Variants in SORCS3 observed in about 807,000 individuals in gnomAD.
The protein encoded by SORCS3 is VPS10 domain-containing receptor SorCS3.
A neutral mutation model predicts 146.3 loss-of-function variants in SORCS3; 57 were observed. The observed-to-expected ratio is 0.39, with a 90% CI of 0.31 to 0.49. The LOEUF (loss-of-function observed/expected upper bound fraction) is 0.49, where lower values mean the gene tolerates loss of function less well. SORCS3 is among the 20% of genes least tolerant of loss of function. The pLI is 0.92. For missense variants in SORCS3, 1,341 were observed against 1,575.5 expected (o/e 0.85, Z 2.52); for synonymous variants, 653 against 618.5 (o/e 1.06, Z -0.83).
At chr10:104,936,408 T>C (rs2019260509) in intron 3 of SORCS3, among the ~76,000 whole-genome samples, 1 of 152,108 alleles carries the variant, frequency 6.6e-6, no homozygotes. Flanking sequence ...TGTTTGGATG[T>C]TGGGATAAGA....
intron 23 of SORCS3, among the ~76,000 whole-genome samples, chr10:105,255,130 G>A (rs1265346278): frequency 3.3e-5 from 5 of 149,554 alleles, no homozygotes; most frequent in African/African-American, 1.2e-4. Flanking sequence ...CGGAGCCTGC[G>A]GTGAGCCGAG....
intron 1 of SORCS3, among the ~76,000 whole-genome samples, chr10:104,800,865 C>G (rs888191979): frequency 6.6e-6 from 1 of 152,142 alleles, no homozygotes; most frequent in African/African-American, 2.4e-5. Context: ...AACACATTTC[C>G]TTCCCATCCC....
At chr10:104,940,065 G>A (rs1202801289) in intron 3 of SORCS3, among the ~76,000 whole-genome samples, 3 of 151,424 alleles carry the variant, frequency 2.0e-5, no homozygotes, top group Non-Finnish European at 4.4e-5. Context: ...TCCATAGGCA[G>A]AGCAGCAGCA....
chr10:105,189,690 G>C (rs1338031098), intron 14 of SORCS3, among the ~76,000 whole-genome samples: 1 of 152,192 alleles, frequency 6.6e-6, no homozygotes, highest in Non-Finnish European at 1.5e-5. Context: ...GGAAGAAAGA[G>C]CTGGCTGTCA....
intron 7 of SORCS3, among the ~76,000 whole-genome samples, chr10:105,114,593 G>C (rs747306206): frequency 3.3e-5 from 5 of 152,128 alleles, no homozygotes; most frequent in Non-Finnish European, 5.9e-5. Flanking sequence ...ACTTGAGCCT[G>C]GGAGGGTTTG....
At chr10:105,018,235 G>A (rs74155090) in intron 4 of SORCS3, among the ~76,000 whole-genome samples, 3,886 of 152,306 alleles carry the variant, frequency 0.026, 162 homozygotes, top group African/African-American at 0.088. Context: ...GGGGCAGGAT[G>A]GCTGCTATCA....
chr10:105,082,659 G>A (rs1000329241), intron 5 of SORCS3, among the ~76,000 whole-genome samples: 7 of 152,164 alleles, frequency 4.6e-5, no homozygotes, highest in Non-Finnish European at 1.0e-4. Flanking sequence ...GAAAACGTTA[G>A]TTTTTCCCCA....
intron 3 of SORCS3, among the ~76,000 whole-genome samples, chr10:104,921,714 G>T: frequency 6.6e-6 from 1 of 152,010 alleles, no homozygotes; most frequent in East Asian, 1.9e-4. Flanking sequence ...TGAGGCTCAA[G>T]CAGATAGACA....
At chr10:104,849,631 C>T (rs1784303125) in intron 2 of SORCS3, among the ~76,000 whole-genome samples, 1 of 152,024 alleles carries the variant, frequency 6.6e-6, no homozygotes, top group Admixed American at 6.6e-5. Flanking sequence ...TTTACTTTTC[C>T]ATAAAAATAG....
intron 1 of SORCS3, among the ~76,000 whole-genome samples, chr10:104,706,064 T>C (rs1422483876): frequency 6.6e-6 from 1 of 152,096 alleles, no homozygotes; most frequent in Admixed American, 6.5e-5. Context: ...GACGAGTGAG[T>C]ATGAAAGTCT....
intron 23 of SORCS3, among the ~76,000 whole-genome samples, chr10:105,254,226 T>C (rs1415523590): frequency 6.6e-6 from 1 of 152,338 alleles, no homozygotes; most frequent in East Asian, 1.9e-4. Flanking sequence ...TGGTAGTATA[T>C]GTACCTGCTT....
intron 18 of SORCS3, 87 bp downstream of exon 18, chr10:105,214,700 C>T: frequency 1.6e-6 from 2 of 1,270,416 alleles, no homozygotes; most frequent in South Asian, 3.1e-5. Flanking sequence ...TTCCCACAGA[C>T]CCCTGCACCA....
At chr10:105,103,624 G>A (rs981941513) in intron 6 of SORCS3, among the ~76,000 whole-genome samples, 11 of 152,170 alleles carry the variant, frequency 7.2e-5, no homozygotes, top group African/African-American at 2.7e-4. Context: ...GAATTGTCAA[G>A]GATTGGGAAC....
chr10:105,173,986 A>G (rs1479754111), intron 13 of SORCS3, among the ~76,000 whole-genome samples: 1 of 152,096 alleles, frequency 6.6e-6, no homozygotes, highest in African/African-American at 2.4e-5. Flanking sequence ...TGTTTCCATG[A>G]TATTTATTTC....
chr10:104,765,636 T>C (rs2017170995), intron 1 of SORCS3, among the ~76,000 whole-genome samples: 1 of 152,212 alleles, frequency 6.6e-6, no homozygotes, highest in Non-Finnish European at 1.5e-5. Flanking sequence ...TTTCTTGGCA[T>C]AGAATCTAGA....
intron 5 of SORCS3, among the ~76,000 whole-genome samples, chr10:105,083,933 G>A (rs1050176312): frequency 6.6e-6 from 1 of 152,188 alleles, no homozygotes; most frequent in Non-Finnish European, 1.5e-5. Context: ...CATTCTTTTC[G>A]CCAGCTAGGA....
intron 5 of SORCS3, among the ~76,000 whole-genome samples, chr10:105,086,362 A>AACTT (rs767441971): frequency 2.7e-4 from 41 of 152,338 alleles, no homozygotes; most frequent in Non-Finnish European, 5.3e-4. Flanking sequence ...TCAAGAGAAC[A>AACTT]ACTTAATAAT....
At chr10:105,074,550 A>G (rs2055577025) in intron 5 of SORCS3, among the ~76,000 whole-genome samples, 1 of 152,204 alleles carries the variant, frequency 6.6e-6, no homozygotes, top group African/African-American at 2.4e-5. Context: ...TGTCGCAGGA[A>G]CATGTCTCTC....
intron 2 of SORCS3, among the ~76,000 whole-genome samples, chr10:104,870,915 G>T (rs556228643): frequency 1.3e-4 from 20 of 152,262 alleles, no homozygotes; most frequent in African/African-American, 4.8e-4. Context: ...TTTTATAGTG[G>T]AGGTCAAAGG....
Sources: gnomAD v4.1 joint callset for allele counts (sites outside exome capture counted in the v4.1 genomes callset) on GRCh38, gnomAD v4.1.1 for gene constraint, MANE v1.5 for transcripts, NCBI Gene and HGNC (gene_info 2026-07-23, HGNC 2026-07-21) for gene names.